The following BAZ1A variants were observed in gnomAD, a reference collection of about 807,000 sequenced individuals.
BAZ1A encodes the protein bromodomain adjacent to zinc finger domain protein 1A.
A neutral mutation model predicts 185.2 loss-of-function variants in BAZ1A; 50 were observed. That is an observed-to-expected ratio of 0.27 (90% CI 0.22 to 0.34). The LOEUF is 0.34. Among genes scored for constraint, BAZ1A ranks in the 10% least tolerant of loss-of-function variants. BAZ1A has a pLI of 1.00. For synonymous variants in BAZ1A, 571 were observed against 615.6 expected (o/e 0.93, Z 1.07); for missense variants, 1,356 against 1,839.9 (o/e 0.74, Z 4.81).
chr14:34,776,982 C>T lies in BAZ1A; in HGVS notation c.2237-467G>A, dbSNP rs535278996. Among the ~76,000 whole-genome samples the T allele has an allele frequency of 2.0e-5, 3 of 152,290 alleles. No individual in the cohort carries two copies. In the East Asian group the frequency reaches 5.8e-4, roughly 29 times the overall value. On this transcript the variant is annotated intron_variant, in intron 17 of 26. Coordinates refer to ENST00000360310, the MANE Select transcript of BAZ1A (RefSeq NM_013448.3). ...TTATGGCAGCCCAAGCAGACTAATA[C>T]ACTATGTTAATAAGAAATCAATATA...
chr14:34,862,451 ACT>A (rs2042783840), intron 2 of BAZ1A, 129 bp from the exon 3 acceptor site: 1 of 979,284 alleles, frequency 1.0e-6, no homozygotes, highest in African/African-American at 1.6e-5. Flanking sequence ...GACTCACAGA[ACT>A]CAAGGGTTTG....
intron 4 of BAZ1A, among the ~76,000 whole-genome samples, chr14:34,819,159 AAAAAAAAG>A (rs1255911000): frequency 3.1e-4 from 47 of 151,302 alleles, no homozygotes; most frequent in Non-Finnish European, 4.0e-4. Flanking sequence ...AAAAAAAAAA[AAAAAAAAG>A]AATGAATCTT....
At chr14:34,809,909 T>C (rs2041906410) in intron 5 of BAZ1A, among the ~76,000 whole-genome samples, 1 of 152,196 alleles carries the variant, frequency 6.6e-6, no homozygotes, top group African/African-American at 2.4e-5. Flanking sequence ...AACAAATTTT[T>C]AGAAGTTTGA....
Position 34,783,906 on chromosome 14 carries a change from T to C in BAZ1A, c.1853A>G (p.His618Arg). Residue 618 changes from histidine (H) to arginine (R), a missense_variant, in exon 15 of 27, where the codon CAT becomes CGT. By Grantham distance (29) the His-to-Arg change is conservative (BLOSUM62 0). Coordinates refer to ENST00000360310, the MANE Select transcript of BAZ1A (RefSeq NM_013448.3). ...LTPGEKMKIL[H>R]ALCGKLLTLV... ...GGTCAGTAGCTTTCCACAGAGAGCA[T>C]GGAGTATCTTCATTTTTTCTCCTGT... is the stretch of plus-strand genomic sequence containing the variant. 4 of 1,593,642 alleles carry C rather than the reference T, an allele frequency of 2.5e-6. No homozygotes were observed. The highest frequency in any genetic ancestry group is 3.4e-6 in the Non-Finnish European group (4 of 1,174,198).
chr14:34,812,230 G>C (rs1270080494), intron 4 of BAZ1A, among the ~76,000 whole-genome samples: 1 of 151,424 alleles, frequency 6.6e-6, no homozygotes, highest in Non-Finnish European at 1.5e-5. Flanking sequence ...AGATCTGGGG[G>C]GGGAGGGGAA....
intron 25 of BAZ1A, among the ~76,000 whole-genome samples, chr14:34,756,155 C>T (rs1886235301): frequency 1.3e-5 from 2 of 149,476 alleles, no homozygotes; most frequent in African/African-American, 4.9e-5. Context: ...ACTCTGTCAC[C>T]CAGGCTGGAG....
chr14:34,788,973 A>G (rs959561569), intron 12 of BAZ1A, among the ~76,000 whole-genome samples: 3 of 152,206 alleles, frequency 2.0e-5, no homozygotes, highest in African/African-American at 7.2e-5. Flanking sequence ...AATCATCGAC[A>G]ATTTCATGGC....
At chr14:34,787,012 G>A (rs1315307266) in intron 12 of BAZ1A, among the ~76,000 whole-genome samples, 3 of 152,004 alleles carry the variant, frequency 2.0e-5, no homozygotes, top group African/African-American at 7.2e-5. Context: ...TGGCACTACT[G>A]TAATTTAACT....
chr14:34,867,144 A>G (rs1235636903), intron 2 of BAZ1A, among the ~76,000 whole-genome samples: 1 of 152,082 alleles, frequency 6.6e-6, no homozygotes, highest in Non-Finnish European at 1.5e-5. Flanking sequence ...CTGTAGTCCC[A>G]GCTATTGGGG....
chr14:34,840,321 G>A (rs908762274), intron 3 of BAZ1A, among the ~76,000 whole-genome samples: 46 of 152,014 alleles, frequency 3.0e-4, no homozygotes, highest in Non-Finnish European at 6.3e-4. Flanking sequence ...TGTTTTTTCA[G>A]AAAGAAGCAT....
At chr14:34,845,859 CAAAAA>C (rs3062591) in intron 3 of BAZ1A, among the ~76,000 whole-genome samples, 49,963 of 115,096 alleles carry the variant, frequency 0.43, 8,573 homozygotes, top group East Asian at 0.5. Context: ...GACTCTGTCT[CAAAAA>C]AAAAAAAAAA....
intron 5 of BAZ1A, among the ~76,000 whole-genome samples, chr14:34,810,369 C>G (rs766428275): frequency 4.6e-5 from 7 of 152,120 alleles, no homozygotes; most frequent in Non-Finnish European, 8.8e-5. Flanking sequence ...CTTCTGTCTC[C>G]TTTGATTAGG....
chr14:34,861,774 A>G (rs2042772268), intron 3 of BAZ1A, among the ~76,000 whole-genome samples: 1 of 152,214 alleles, frequency 6.6e-6, no homozygotes, highest in Non-Finnish European at 1.5e-5. Context: ...TGCATTAAAA[A>G]GGGAAGGAAT....
At chr14:34,793,594 G>A (rs1431916600) in intron 11 of BAZ1A, among the ~76,000 whole-genome samples, 3 of 152,160 alleles carry the variant, frequency 2.0e-5, no homozygotes. Flanking sequence ...GGATCACGAG[G>A]TCAGGAGATT....
At chr14:34,831,955 C>CTGAGGAAGGG (rs1157379134) in intron 3 of BAZ1A, among the ~76,000 whole-genome samples, 2 of 151,964 alleles carry the variant, frequency 1.3e-5, no homozygotes, top group African/African-American at 2.4e-5. Context: ...AGCACTTTGG[C>CTGAGGAAGGG]AGGCTGAGGA....
At chr14:34,869,100 G>A (rs546700441) in intron 2 of BAZ1A, among the ~76,000 whole-genome samples, 24 of 151,808 alleles carry the variant, frequency 1.6e-4, no homozygotes, top group South Asian at 6.2e-4. Flanking sequence ...CCAGCTGCTC[G>A]GGAGGCTGAG....
chr14:34,769,562 A>G (rs1032902190), intron 21 of BAZ1A, among the ~76,000 whole-genome samples: 16 of 152,192 alleles, frequency 1.1e-4, no homozygotes, highest in African/African-American at 3.6e-4. Context: ...TAAATATTTA[A>G]TAAGTTGTGC....
intron 14 of BAZ1A, among the ~76,000 whole-genome samples, chr14:34,784,367 CAAAAAAAAAAAAAAAA>C (rs368815964): frequency 2.6e-5 from 2 of 77,192 alleles, no homozygotes; most frequent in African/African-American, 1.2e-4. Context: ...GACTCTGTCT[CAAAAAAAAAAAAAAAA>C]AAAAAAAAAA....
chr14:34,845,097 T>C lies in BAZ1A; in HGVS notation c.392+16947A>G, dbSNP rs1445908643. On this transcript the variant is annotated intron_variant, in intron 3 of 26. Transcript: ENST00000360310. ...ATATTTACTATTTGAACCTTTGTGT[T>C]TTTAAAATGTGCCAACTCCTGCTCG... is the stretch of plus-strand genomic sequence containing the variant. Among the ~76,000 whole-genome samples the C allele has an allele frequency of 3.2e-4, 49 of 152,162 alleles. 1 individual carries two copies. Among genetic ancestry groups the C allele is most frequent in the Admixed American group, 3.2e-3 (49 of 15,256 alleles).
Sources: allele counts gnomAD v4.1 joint callset (sites outside exome capture counted in the v4.1 genomes callset), GRCh38; gene constraint gnomAD v4.1.1; transcripts MANE v1.5; gene names NCBI Gene and HGNC (gene_info 2026-07-23, HGNC 2026-07-21).